The following TRIM2 variants were observed in gnomAD, a reference collection of about 807,000 sequenced individuals.
The protein encoded by TRIM2 is tripartite motif containing 2, also known as tripartite motif-containing protein 2.
In TRIM2, 20 loss-of-function variants were observed where a neutral mutation model predicts 75.2. That is an observed-to-expected ratio of 0.27 (90% CI 0.19 to 0.39). The LOEUF (loss-of-function observed/expected upper bound fraction) is 0.39. Ranked by LOEUF, TRIM2 falls within the 10% of genes least tolerant of loss-of-function variation. The probability of loss-of-function intolerance (pLI) is 1.00; values close to 1 mark genes in which losing one functional copy is unlikely to be tolerated. For missense variants in TRIM2, 660 were observed against 990.8 expected (o/e 0.67, Z 4.48); for synonymous variants, 373 against 388.3 (o/e 0.96, Z 0.46).
intron 3 of TRIM2, among the ~76,000 whole-genome samples, chr4:153,283,289 A>T (rs1759777518): frequency 6.6e-6 from 1 of 152,166 alleles, no homozygotes; most frequent in Non-Finnish European, 1.5e-5. Context: ...ACTTACGGAC[A>T]TTTGATATAA....
chr4:153,170,747 G>GA (rs1730768738), intron 1 of TRIM2, among the ~76,000 whole-genome samples: 1 of 152,106 alleles, frequency 6.6e-6, no homozygotes, highest in Admixed American at 6.6e-5. Flanking sequence ...CTCAGCCAGG[G>GA]GGTAAAAACA....
At position 153,296,770 on chromosome 4, in the gene TRIM2, A is replaced by G. The variant is rs115379673; in HGVS notation, c.1510+734A>G. Among the ~76,000 whole-genome samples, 1,437 of 152,306 alleles carry G rather than the reference A, an allele frequency of 9.4e-3. 18 individuals carry two copies. Among genetic ancestry groups the G allele is most frequent in the African/African-American group, 0.031 (1,272 of 41,564 alleles). On this transcript the variant is annotated intron_variant, in intron 6 of 11. Coordinates refer to ENST00000338700, the MANE Select transcript of TRIM2 (RefSeq NM_015271.5). ...CTCAGTAGAAAGCAACTAAATGTAA[A>G]CAGCAAAGGGCTTGATGATTCTTAA...
rs913321789 is a variant in TRIM2 at position 153,248,050 on chromosome 4, C to T, written c.31-22285C>T. Among the ~76,000 whole-genome samples the T allele has an allele frequency of 3.5e-5, 5 of 143,304 alleles. No individual in the cohort carries two copies. Among genetic ancestry groups the T allele is most frequent in the South Asian group, 2.2e-4 (1 of 4,628 alleles). The allele number at this position is 143,304 out of a possible 152,430, so 94.0% of individuals were successfully genotyped here. ...TCGCTCTGTCCCCCAGGCTGGAGTG[C>T]GGTGACACAGTCTCTGCTCACTGGC... is the stretch of plus-strand genomic sequence containing the variant. On this transcript the variant is annotated intron_variant, in intron 1 of 11. Coordinates refer to ENST00000338700, the MANE Select transcript of TRIM2 (RefSeq NM_015271.5). The surrounding 1 kb of genome is among the most constrained non-coding windows in gnomAD (Gnocchi z 4.0).
intron 1 of TRIM2, among the ~76,000 whole-genome samples, chr4:153,237,609 G>A (rs1307064004): frequency 1.3e-5 from 2 of 152,154 alleles, no homozygotes; most frequent in African/African-American, 4.8e-5. Context: ...GAACTCAGGA[G>A]GCGGAAGTTG....
At chr4:153,163,495 C>T (rs113598689) in intron 1 of TRIM2, among the ~76,000 whole-genome samples, 36,839 of 99,792 alleles carry the variant, frequency 0.37, 6,440 homozygotes, top group South Asian at 0.51. Context: ...AGATTTACAT[C>T]TTTTTTTTTT....
chr4:153,242,709 C>A (rs1430258535), intron 1 of TRIM2, among the ~76,000 whole-genome samples: 1 of 152,234 alleles, frequency 6.6e-6, no homozygotes, highest in Non-Finnish European at 1.5e-5. Context: ...GCAGCCTGCA[C>A]AGACCTCCAG....
At chr4:153,271,680 G>T (rs1286672138) in intron 2 of TRIM2, among the ~76,000 whole-genome samples, 1 of 152,044 alleles carries the variant, frequency 6.6e-6, no homozygotes, top group Admixed American at 6.6e-5. Context: ...TAAGTGCTTG[G>T]TAATTCATAT....
At position 153,163,495 on chromosome 4, in the gene TRIM2, C is replaced by CTTT. The variant is rs70949644; in HGVS notation, c.-49+10247_-49+10249dup. Among the ~76,000 whole-genome samples, 526 of 98,572 alleles carry CTTT rather than the reference C, an allele frequency of 5.3e-3. 15 individuals carry two copies. Among genetic ancestry groups the CTTT allele is most frequent in the Middle Eastern group, 0.015 (2 of 136 alleles). The allele number at this position is 98,572 out of a possible 152,430, so 64.7% of individuals were successfully genotyped here. A position where few individuals can be genotyped will look rare whatever the true frequency, so the allele number is the denominator to read the frequency against. ...CACTGCACCCAACCTAGATTTACAT[C>CTTT]TTTTTTTTTTTTTTTTTTTTTTTTG... On this transcript the variant is annotated intron_variant, in intron 1 of 11. Transcript: ENST00000437508.
intron 1 of TRIM2, among the ~76,000 whole-genome samples, chr4:153,193,353 G>A (rs761851959): frequency 3.3e-5 from 5 of 151,904 alleles, no homozygotes; most frequent in Admixed American, 1.3e-4. Flanking sequence ...GGATGGTCTC[G>A]ATCTCCTGAC....
At chr4:153,331,396 A>G (rs1212756612) in intron 11 of TRIM2, among the ~76,000 whole-genome samples, 2 of 152,196 alleles carry the variant, frequency 1.3e-5, no homozygotes, top group African/African-American at 4.8e-5. Flanking sequence ...TAAAAACACA[A>G]TACCATTTAG....
intron 1 of TRIM2, among the ~76,000 whole-genome samples, chr4:153,263,838 G>C (rs1560908883): frequency 6.6e-6 from 1 of 152,196 alleles, no homozygotes; most frequent in Non-Finnish European, 1.5e-5. Flanking sequence ...GCAGAGAGCA[G>C]ACAGAGTGGG....
chr4:153,297,911 A>C (rs1223524390), intron 6 of TRIM2, among the ~76,000 whole-genome samples: 1 of 152,252 alleles, frequency 6.6e-6, no homozygotes, highest in Non-Finnish European at 1.5e-5. Context: ...TGTGTACAGC[A>C]AGAGCTCAAT....
In TRIM2 at chr4:153,270,389, G is replaced by T; in HGVS notation, c.85G>T (p.Ala29Ser). 1 of 1,614,002 alleles carries T rather than the reference G, an allele frequency of 6.2e-7. No individual in the cohort carries two copies. ...AGPPCQWSRM[A>S]SEGTNIPSPV... Reference sequence around the variant, plus strand: ...CCCCCCATGTCAGTGGTCTAGGATGGCCAGTGAAGGCACCAACATCCCAAG... The same window carrying T: ...CCCCCCATGTCAGTGGTCTAGGATGTCCAGTGAAGGCACCAACATCCCAAG... Residue 29 changes from alanine (A) to serine (S), a missense_variant, in exon 2 of 12, where the codon GCC (alanine) becomes TCC (serine). Coordinates refer to ENST00000338700, the MANE Select transcript of TRIM2 (RefSeq NM_015271.5).
rs538062405 is a variant in TRIM2, at chr4:153,211,514, G to T, written c.30+6954G>T. Reference sequence around the variant, plus strand: ...TTTTTTTTTTTTTTTTTGAGACAGGGTTGCACACTGTTGCCCAGGTTGGAG... The same window carrying T: ...TTTTTTTTTTTTTTTTTGAGACAGGTTTGCACACTGTTGCCCAGGTTGGAG... On this transcript the variant is annotated intron_variant, in intron 1 of 11. Coordinates refer to ENST00000338700, the MANE Select transcript of TRIM2 (RefSeq NM_015271.5). Among the ~76,000 whole-genome samples the T allele has an allele frequency of 1.0e-4, 15 of 149,284 alleles. No homozygotes were observed. In the South Asian group the frequency reaches 3.2e-3, roughly 32 times the overall value.
In TRIM2 at chr4:153,322,808, A is replaced by G. The variant is rs781577074; in HGVS notation, c.1943A>G (p.Gln648Arg). The G allele has an allele frequency of 6.2e-7, 1 of 1,614,202 alleles. No homozygotes were observed. Among genetic ancestry groups the G allele is most frequent in the East Asian group, 2.2e-5 (1 of 44,890 alleles). ...RFGSRGNGDR[Q>R]FAGPHFAAVN... The stretch of plus-strand genomic sequence containing the variant: ...GGTAGCCGAGGAAATGGGGACAGGC[A>G]GTTTGCAGGTACACTCGATGGTAAT... The change falls in exon 9 of 12, where the codon CAG becomes CGG. Residue 648 changes from glutamine (Q) to arginine (R), a missense_variant. Transcript: ENST00000338700.
intron 1 of TRIM2, among the ~76,000 whole-genome samples, chr4:153,244,355 C>CTTCTTCTCCTTCT (rs1748079616): frequency 7.9e-5 from 1 of 12,714 alleles, no homozygotes; most frequent in East Asian, 2.0e-3. Flanking sequence ...CTTCTTCTTC[C>CTTCTTCTCCTTCT]TCTTCTTCTT....
intron 1 of TRIM2, among the ~76,000 whole-genome samples, chr4:153,199,199 A>T (rs1734071010): frequency 6.6e-6 from 1 of 152,162 alleles, no homozygotes; most frequent in Non-Finnish European, 1.5e-5. Context: ...TTTCTGGCAA[A>T]GTCTTCTTTC....
rs1002119371 is a variant in TRIM2 at position 153,338,324 on chromosome 4, T to C, written c.*3358T>C. 4 of 985,678 alleles carry C rather than the reference T, an allele frequency of 4.1e-6. No homozygotes were observed. The highest frequency in any genetic ancestry group is 4.8e-6 in the Non-Finnish European group (4 of 829,928). The allele number at this position is 985,678 out of a possible 1,614,324, so 61.1% of individuals were successfully genotyped here. On this transcript the variant is annotated 3_prime_UTR_variant, in exon 12 of 12. Coordinates refer to ENST00000338700, the MANE Select transcript of TRIM2 (RefSeq NM_015271.5). The stretch of plus-strand genomic sequence containing the variant: ...AGATTACTTCAAATGGGAAAAATCT[T>C]TTTGTAGACTCTATAGTACCCTCTC...
intron 10 of TRIM2, among the ~76,000 whole-genome samples, chr4:153,327,141 G>GA (rs946491242): frequency 6.6e-6 from 1 of 151,978 alleles, no homozygotes; most frequent in Non-Finnish European, 1.5e-5. Flanking sequence ...AAAAGAGTCA[G>GA]AAAAAAAATT....
Sources: allele counts gnomAD v4.1 joint callset (sites outside exome capture counted in the v4.1 genomes callset), GRCh38; gene constraint gnomAD v4.1.1; non-coding constraint Gnocchi (gnomAD v3.1); transcripts MANE v1.5; gene names NCBI Gene and HGNC (gene_info 2026-07-23, HGNC 2026-07-21).